The following FOCAD variants were observed in gnomAD, a reference collection of about 807,000 sequenced individuals.
The protein encoded by FOCAD is KIAA1797.
Under a neutral mutation model 225.6 loss-of-function variants are expected in FOCAD, and 198 were observed. The ratio of observed to expected loss-of-function variants is 0.88; its 90% CI spans 0.78 to 0.99. FOCAD has a LOEUF of 0.99. Among genes scored for constraint, FOCAD ranks in the 50% least tolerant of loss-of-function variants. FOCAD has a pLI of 0.00. For synonymous variants in FOCAD, 897 were observed against 755.0 expected (o/e 1.19, Z -3.08); for missense variants, 2,713 against 2,123.6 (o/e 1.28, Z -5.46).
At chr9:20,659,776 TGAAAGCATTG>T (rs1821654667) in intron 2 of FOCAD, among the ~76,000 whole-genome samples, 1 of 152,192 alleles carries the variant, frequency 6.6e-6, no homozygotes, top group South Asian at 2.1e-4. Flanking sequence ...GATGGCATTG[TGAAAGCATTG>T]GAAAGCAGTG....
intron 28 of FOCAD, among the ~76,000 whole-genome samples, chr9:20,934,100 G>A (rs1419688189): frequency 6.6e-6 from 1 of 152,062 alleles, no homozygotes; most frequent in Non-Finnish European, 1.5e-5. Flanking sequence ...GTAGATTCTG[G>A]ATATTAGTCC....
intron 4 of FOCAD, among the ~76,000 whole-genome samples, chr9:20,721,601 C>CT (rs1825770825): frequency 1.3e-5 from 2 of 151,950 alleles, no homozygotes; most frequent in African/African-American, 4.8e-5. Flanking sequence ...ACTCAGGAGA[C>CT]TAAGGCGTGA....
intron 5 of FOCAD, among the ~76,000 whole-genome samples, chr9:20,742,872 G>C (rs889452621): frequency 3.3e-5 from 5 of 152,196 alleles, no homozygotes; most frequent in African/African-American, 1.2e-4. Flanking sequence ...CTTGTCTTTA[G>C]ATACGTGGCA....
At chr9:20,790,928 A>G (rs951897744) in intron 11 of FOCAD, among the ~76,000 whole-genome samples, 1 of 152,176 alleles carries the variant, frequency 6.6e-6, no homozygotes, top group Non-Finnish European at 1.5e-5. Flanking sequence ...TGATTCTGCA[A>G]GTGGATCTGT....
At chr9:20,936,231 A>G (rs1031043225) in intron 28 of FOCAD, among the ~76,000 whole-genome samples, 1 of 152,208 alleles carries the variant, frequency 6.6e-6, no homozygotes, top group African/African-American at 2.4e-5. Flanking sequence ...ACCCTTTGAT[A>G]TTATGGGCAC....
intron 27 of FOCAD, among the ~76,000 whole-genome samples, chr9:20,932,447 G>A (rs962221305): frequency 6.6e-6 from 1 of 152,072 alleles, no homozygotes; most frequent in Admixed American, 6.6e-5. Context: ...TACTATGCAA[G>A]TCATACTTCT....
At chr9:20,852,166 C>T (rs1827724929) in intron 15 of FOCAD, among the ~76,000 whole-genome samples, 1 of 151,694 alleles carries the variant, frequency 6.6e-6, no homozygotes, top group Non-Finnish European at 1.5e-5. Context: ...TTGGGGGAAC[C>T]ATTTTTGTTG....
At chr9:20,749,848 A>G (rs962279406) in intron 5 of FOCAD, among the ~76,000 whole-genome samples, 2 of 151,814 alleles carry the variant, frequency 1.3e-5, no homozygotes, top group Non-Finnish European at 2.9e-5. Flanking sequence ...ATCACAGACT[A>G]TTTTTTTTAA....
At chr9:20,783,863 A>T (rs1472176564) in intron 10 of FOCAD, among the ~76,000 whole-genome samples, 1 of 152,196 alleles carries the variant, frequency 6.6e-6, no homozygotes, top group Admixed American at 6.5e-5. Flanking sequence ...GATTCCAGTC[A>T]GGAAAGAGAA....
intron 39 of FOCAD, among the ~76,000 whole-genome samples, chr9:20,984,949 C>T (rs1296104894): frequency 6.6e-6 from 1 of 152,142 alleles, no homozygotes; most frequent in African/African-American, 2.4e-5. Context: ...TACAGGCATC[C>T]ACCATCATGC....
chr9:20,896,365 T>G (rs942912398), intron 21 of FOCAD, among the ~76,000 whole-genome samples: 10 of 151,932 alleles, frequency 6.6e-5, no homozygotes, highest in African/African-American at 2.4e-4. Context: ...AGGGTAATGC[T>G]GACCTCATAT....
At chr9:20,786,871 A>T (rs10964698) in intron 10 of FOCAD, 2 of 215,996 alleles carry the variant, frequency 9.3e-6, no homozygotes, top group Non-Finnish European at 1.9e-5. Context: ...TATAATTCAC[A>T]TAACATAAAC....
chr9:20,756,128 T>C (rs1829023546), intron 5 of FOCAD, among the ~76,000 whole-genome samples: 1 of 152,184 alleles, frequency 6.6e-6, no homozygotes, highest in African/African-American at 2.4e-5. Flanking sequence ...GGGTTTGGAA[T>C]TGGGAAACAT....
intron 5 of FOCAD, among the ~76,000 whole-genome samples, chr9:20,748,059 GTTGA>G (rs563778750): frequency 4.6e-4 from 70 of 151,918 alleles, no homozygotes; most frequent in Admixed American, 6.6e-4. Context: ...CTTTTGGGGG[GTTGA>G]TTATTTCATT....
Position 20,666,368 on chromosome 9 carries a change from G to A in FOCAD, c.-78+7542G>A, listed in dbSNP as rs1431295842. 3.3e-5 allele frequency among the ~76,000 whole-genome samples: 5 copies of A among 152,022 alleles called. No individual in the cohort carries two copies. The East Asian group carries it at 7.7e-4, about 23-fold the overall frequency. On this transcript the variant is annotated intron_variant, in intron 2 of 45. Coordinates refer to the FOCAD transcript ENST00000380249. The stretch of plus-strand genomic sequence containing the variant: ...GAAGATTGCTTGAGCTCAGAAGTTC[G>A]AGACCAACCTGGGCAACACGACAAA...
In FOCAD at chr9:20,762,325, G is replaced by A. The variant is rs543054076; in HGVS notation, c.495-2544G>A. Among the ~76,000 whole-genome samples the A allele has an allele frequency of 2.0e-5, 3 of 152,224 alleles. No individual in the cohort carries two copies. In the South Asian group the frequency reaches 6.2e-4, roughly 32 times the overall value. ...AGTAGAAGGTGTGATAAAGATATAT[G>A]TTTCAGTAATAATTTTGAAGTGAAA... On this transcript the variant is annotated intron_variant, in intron 6 of 43. Coordinates refer to ENST00000338382, the MANE Select transcript of FOCAD (RefSeq NM_001375567.1).
At chr9:20,715,507 C>T (rs1387556893) in intron 2 of FOCAD, 97 bp downstream of exon 2, 1 of 483,492 alleles carries the variant, frequency 2.1e-6, no homozygotes, top group Non-Finnish European at 3.2e-6. Flanking sequence ...ATATTTTATT[C>T]TACATGTAGA....
intron 1 of FOCAD, among the ~76,000 whole-genome samples, chr9:20,708,083 G>T (rs1824538470): frequency 1.3e-5 from 2 of 152,244 alleles, no homozygotes; most frequent in Admixed American, 1.3e-4. Context: ...TTTTTTGAGG[G>T]ACAGGGTCAG....
At chr9:20,734,013 AAAAC>A (rs768511975) in intron 4 of FOCAD, among the ~76,000 whole-genome samples, 10 of 152,168 alleles carry the variant, frequency 6.6e-5, no homozygotes, top group East Asian at 3.8e-4. Flanking sequence ...CCTATCTCAA[AAAAC>A]AAACAAACAA....
Sources: allele counts gnomAD v4.1 joint callset (sites outside exome capture counted in the v4.1 genomes callset), GRCh38; gene constraint gnomAD v4.1.1; transcripts MANE v1.5; gene names NCBI Gene and HGNC (gene_info 2026-07-23, HGNC 2026-07-21).